ZNF654: variants seen among roughly 807,000 people sequenced by gnomAD.
ZNF654 encodes melanoma-associated antigen.
ZNF654 carries 19 observed loss-of-function variants against 95.3 expected under a neutral mutation model. The ratio of observed to expected loss-of-function variants is 0.20; its 90% CI spans 0.14 to 0.29. The LOEUF (loss-of-function observed/expected upper bound fraction) is 0.29, where lower values mean the gene tolerates loss of function less well. Ranked by LOEUF, ZNF654 falls within the 10% of genes least tolerant of loss-of-function variation. ZNF654 has a pLI of 1.00. For missense variants in ZNF654, 1,046 were observed against 1,341.0 expected (o/e 0.78, Z 3.44); for synonymous variants, 413 against 457.9 (o/e 0.90, Z 1.25).
chr3:88,106,014 G>A lies in ZNF654; in HGVS notation c.333-7101G>A, dbSNP rs1331419518. The stretch of plus-strand genomic sequence containing the variant: ...GATCTAGCCTTCTTCCTCTCCAGAG[G>A]ATGTGGCATTCACCGTGCCATCTTC... On this transcript the variant is annotated intron_variant, in intron 2 of 8. Transcript: ENST00000636215. 2.0e-5 allele frequency among the ~76,000 whole-genome samples: 3 copies of A among 152,156 alleles called. No homozygotes were observed. In the East Asian group the frequency reaches 5.8e-4, roughly 29 times the overall value.
chr3:88,078,791 GA>G (rs1402032399), intron 1 of ZNF654, among the ~76,000 whole-genome samples: 2 of 152,218 alleles, frequency 1.3e-5, no homozygotes, highest in African/African-American at 4.8e-5. Context: ...TTCTTAGGGA[GA>G]TGGGGGATGG....
intron 1 of ZNF654, among the ~76,000 whole-genome samples, chr3:88,081,455 T>C (rs1708072061): frequency 3.9e-5 from 6 of 152,218 alleles, no homozygotes; most frequent in Admixed American, 3.9e-4. Context: ...GCAACATTTG[T>C]CATTGTGGTG....
intron 3 of ZNF654, among the ~76,000 whole-genome samples, chr3:88,115,758 T>C (rs1705350858): frequency 6.6e-6 from 1 of 152,182 alleles, no homozygotes; most frequent in Non-Finnish European, 1.5e-5. Flanking sequence ...GCCTTTTACT[T>C]CCAGTAGTTT....
intron 1 of ZNF654, among the ~76,000 whole-genome samples, chr3:88,082,064 A>G (rs1275585009): frequency 6.6e-6 from 1 of 152,110 alleles, no homozygotes; most frequent in Non-Finnish European, 1.5e-5. Context: ...GGAGTGTATC[A>G]CAGCCATTCT....
At chr3:88,129,948 T>G (rs992762960) in intron 6 of ZNF654, 122 bp downstream of exon 6, 14 of 880,264 alleles carry the variant, frequency 1.6e-5, no homozygotes, top group Non-Finnish European at 2.0e-5. Context: ...AAAAATTGAT[T>G]GTGCAAGGAA....
At chr3:88,072,381 C>G (rs1707563436) in intron 1 of ZNF654, among the ~76,000 whole-genome samples, 1 of 152,162 alleles carries the variant, frequency 6.6e-6, no homozygotes, top group Non-Finnish European at 1.5e-5. Flanking sequence ...TTCTGTATCT[C>G]AGAGTCAAAG....
chr3:88,063,859 G>A (rs1707036629), intron 1 of ZNF654, among the ~76,000 whole-genome samples: 2 of 152,012 alleles, frequency 1.3e-5, no homozygotes, highest in Non-Finnish European at 2.9e-5. Context: ...CATGATCCAG[G>A]GTAGTTGCTT....
At chr3:88,085,770 A>AGT (rs1045177104) in intron 1 of ZNF654, among the ~76,000 whole-genome samples, 6 of 152,164 alleles carry the variant, frequency 3.9e-5, no homozygotes, top group Non-Finnish European at 5.9e-5. Context: ...TTTTCCCCAT[A>AGT]GTATGTACAG....
intron 2 of ZNF654, among the ~76,000 whole-genome samples, chr3:88,097,364 T>TG (rs1394953108): frequency 1.3e-5 from 2 of 148,848 alleles, no homozygotes; most frequent in African/African-American, 4.9e-5. Flanking sequence ...TGTCAACAGT[T>TG]TTTTTTTTTT....
chr3:88,065,588 G>A (rs1485452276), intron 1 of ZNF654, among the ~76,000 whole-genome samples: 4 of 151,336 alleles, frequency 2.6e-5, no homozygotes, highest in African/African-American at 9.7e-5. Flanking sequence ...ACTTTGTGGT[G>A]GTATGCTTAT....
At chr3:88,089,656 T>C (rs1386659625) in intron 2 of ZNF654, among the ~76,000 whole-genome samples, 1 of 152,198 alleles carries the variant, frequency 6.6e-6, no homozygotes, top group African/African-American at 2.4e-5. Context: ...CTTTATTCTT[T>C]CAGGGCTGTT....
chr3:88,113,004 C>T, intron 2 of ZNF654, 111 bp from the exon 3 acceptor site: 6 of 709,890 alleles, frequency 8.5e-6, no homozygotes, highest in East Asian at 3.0e-5. Flanking sequence ...TTTTTTAAAC[C>T]AAAATATTTT....
intron 2 of ZNF654, among the ~76,000 whole-genome samples, chr3:88,107,405 T>C (rs1197523989): frequency 6.6e-6 from 1 of 152,212 alleles, no homozygotes; most frequent in Non-Finnish European, 1.5e-5. Context: ...GTAAACAATC[T>C]ATATCTTTCT....
At chr3:88,117,094 A>C (rs190955706) in intron 3 of ZNF654, among the ~76,000 whole-genome samples, 2 of 152,346 alleles carry the variant, frequency 1.3e-5, no homozygotes, top group African/African-American at 2.4e-5. Flanking sequence ...CCGAAAGAAC[A>C]TACAGAGGTA....
At chr3:88,100,689 C>T (rs1704362587) in intron 2 of ZNF654, among the ~76,000 whole-genome samples, 1 of 152,104 alleles carries the variant, frequency 6.6e-6, no homozygotes, top group Non-Finnish European at 1.5e-5. Context: ...AACCATCATT[C>T]TCAGCAAACT....
chr3:88,096,907 A>G (rs1160560238), intron 2 of ZNF654, among the ~76,000 whole-genome samples: 1 of 152,128 alleles, frequency 6.6e-6, no homozygotes, highest in Non-Finnish European at 1.5e-5. Flanking sequence ...AAAACCTCAT[A>G]TTATCATTTT....
intron 7 of ZNF654, among the ~76,000 whole-genome samples, chr3:88,137,194 CAAA>C (rs11401199): frequency 2.8e-5 from 2 of 70,722 alleles, no homozygotes; most frequent in African/African-American, 6.4e-5. Context: ...GACTCTGTCT[CAAA>C]AAAAAAAAAA....
In ZNF654 at chr3:88,131,218, TAAATATAGAA is replaced by T. The variant is rs1438970107; in HGVS notation, c.893+1396_893+1405del. Reference sequence around the variant, plus strand: ...AAGTATTTGTCTATGCAGACATATCTAAATATAGAAAAAGTACAGTAAAAATGATATTATA... The same window carrying T: ...AAGTATTTGTCTATGCAGACATATCTAAAGTACAGTAAAAATGATATTATA... On this transcript the variant is annotated intron_variant, in intron 6 of 8. Coordinates refer to ENST00000636215, the MANE Select transcript of ZNF654 (RefSeq NM_001350134.2). Among the ~76,000 whole-genome samples the T allele has an allele frequency of 2.0e-5, 3 of 152,202 alleles. No individual in the cohort carries two copies. In the East Asian group the frequency reaches 5.8e-4, roughly 29 times the overall value.
intron 3 of ZNF654, among the ~76,000 whole-genome samples, chr3:88,120,709 C>A (rs532421844): frequency 6.6e-6 from 1 of 152,110 alleles, no homozygotes; most frequent in South Asian, 2.1e-4. Context: ...ATATTACTTA[C>A]GCACATGTAC....
Sources: allele counts gnomAD v4.1 joint callset (sites outside exome capture counted in the v4.1 genomes callset), GRCh38; gene constraint gnomAD v4.1.1; transcripts MANE v1.5; gene names NCBI Gene and HGNC (gene_info 2026-07-23, HGNC 2026-07-21).